Variants in TRIM44 observed in about 807,000 individuals in gnomAD.
The protein encoded by TRIM44 is tripartite motif-containing protein 44.
TRIM44 carries 13 observed loss-of-function variants against 37.4 expected under a neutral mutation model. The observed-to-expected ratio is 0.35, with a 90% CI of 0.23 to 0.55. The LOEUF (loss-of-function observed/expected upper bound fraction) is 0.55, where lower values mean the gene tolerates loss of function less well. TRIM44 is among the 20% of genes least tolerant of loss of function. The pLI is 0.89. For synonymous variants in TRIM44, 175 were observed against 157.2 expected, an observed-to-expected ratio of 1.11 and a Z score of -0.85; for missense variants, 426 against 437.2, an observed-to-expected ratio of 0.97 and a Z score of 0.23.
At chr11:35,775,717 A>G (rs1852947441) in intron 4 of TRIM44, among the ~76,000 whole-genome samples, 1 of 152,148 alleles carries the variant, frequency 6.6e-6, no homozygotes, top group Admixed American at 6.5e-5. Context: ...TTCTGCATCT[A>G]TTGAGATAAT....
intron 4 of TRIM44, among the ~76,000 whole-genome samples, chr11:35,791,373 A>G (rs1481552416): frequency 6.6e-6 from 1 of 152,036 alleles, no homozygotes; most frequent in African/African-American, 2.4e-5. Context: ...CAGCCTGTAT[A>G]TTTTAAGCAT....
intron 3 of TRIM44, among the ~76,000 whole-genome samples, chr11:35,734,169 T>C (rs1209765458): frequency 6.6e-6 from 1 of 152,206 alleles, no homozygotes; most frequent in Admixed American, 6.5e-5. Flanking sequence ...TTATGAGTGA[T>C]TGTTTTTCCT....
At chr11:35,689,552 A>G (rs1305041870) in intron 2 of TRIM44, among the ~76,000 whole-genome samples, 4 of 152,164 alleles carry the variant, frequency 2.6e-5, no homozygotes, top group African/African-American at 7.2e-5. Flanking sequence ...TGAAACACCT[A>G]TTGCACAAGC....
chr11:35,699,138 G>A lies in TRIM44; in HGVS notation c.747+13802G>A, dbSNP rs200048572. 2.1e-4 allele frequency among the ~76,000 whole-genome samples: 27 copies of A among 129,956 alleles called. 2 individuals are homozygous for A. Among genetic ancestry groups the A allele is most frequent in the African/African-American group, 6.5e-4 (23 of 35,134 alleles). The allele number at this position is 129,956 out of a possible 152,430, so 85.3% of individuals were successfully genotyped here. On this transcript the variant is annotated intron_variant, in intron 2 of 4. Coordinates refer to ENST00000299413, the MANE Select transcript of TRIM44 (RefSeq NM_017583.6). ...CTGAGGGTTCTGTTCTGTTCCATTG[G>A]TCTGTATATCTGTTTTGGTACCAGT...
intron 2 of TRIM44, chr11:35,724,492 G>A (rs1419718014): frequency 2.0e-5 from 3 of 151,954 alleles, no homozygotes; most frequent in African/African-American, 4.8e-5. Flanking sequence ...TTTTGTCTAC[G>A]GTTTACTTCT....
At chr11:35,736,163 CAT>C (rs1252460515) in intron 4 of TRIM44, among the ~76,000 whole-genome samples, 1 of 152,154 alleles carries the variant, frequency 6.6e-6, no homozygotes, top group Non-Finnish European at 1.5e-5. Flanking sequence ...CCATCTGTCA[CAT>C]AGAATCAAGG....
chr11:35,790,944 C>T (rs1031108950), intron 4 of TRIM44, among the ~76,000 whole-genome samples: 4 of 152,146 alleles, frequency 2.6e-5, no homozygotes, highest in Admixed American at 1.3e-4. Context: ...CTTTCATAAA[C>T]GTCCACTTCT....
intron 2 of TRIM44, among the ~76,000 whole-genome samples, chr11:35,716,146 A>T (rs991759182): frequency 5.3e-5 from 8 of 152,200 alleles, no homozygotes; most frequent in Non-Finnish European, 1.2e-4. Context: ...AGGCAGAGGG[A>T]GTGAAGAGCA....
At chr11:35,689,940 A>G (rs867001960) in intron 2 of TRIM44, among the ~76,000 whole-genome samples, 1 of 152,172 alleles carries the variant, frequency 6.6e-6, no homozygotes, top group Non-Finnish European at 1.5e-5. Flanking sequence ...TCTGATATGC[A>G]CTGTTCATTG....
intron 4 of TRIM44, among the ~76,000 whole-genome samples, chr11:35,763,745 G>A (rs1327346507): frequency 6.6e-6 from 1 of 152,190 alleles, no homozygotes; most frequent in Non-Finnish European, 1.5e-5. Context: ...ATTGGGTTGT[G>A]TGCCTTTCCT....
Position 35,809,652 on chromosome 11 carries a change from T to A in TRIM44, c.*3267T>A, listed in dbSNP as rs1410754388. On this transcript the variant is annotated 3_prime_UTR_variant, in exon 5 of 5. Coordinates refer to ENST00000299413, the MANE Select transcript of TRIM44 (RefSeq NM_017583.6). ...AAGTGAAGGGTGTTCTGCTCTCTACTCAACTTTATTTGAAAATGTCTGCAG... is the reference window on the plus strand; with the variant it reads ...AAGTGAAGGGTGTTCTGCTCTCTACACAACTTTATTTGAAAATGTCTGCAG... The A allele has an allele frequency of 6.6e-6, 1 of 152,158 alleles. No individual in the cohort carries two copies. The highest frequency in any genetic ancestry group is 6.6e-5 in the Admixed American group (1 of 15,264). 9.4% of individuals were successfully genotyped at this position (152,158 alleles called of 1,614,324 possible).
At chr11:35,733,597 C>T (rs143874773) in intron 3 of TRIM44, among the ~76,000 whole-genome samples, 286 of 152,280 alleles carry the variant, frequency 1.9e-3, no homozygotes, top group Non-Finnish European at 3.3e-3. Flanking sequence ...GGATGATTAA[C>T]GCCCTTCCCA....
At chr11:35,792,610 C>T (rs538994768) in intron 4 of TRIM44, among the ~76,000 whole-genome samples, 57 of 152,314 alleles carry the variant, frequency 3.7e-4, no homozygotes, top group African/African-American at 1.3e-3. Context: ...CCTTCTGGGC[C>T]AAAGCAAGTT....
intron 4 of TRIM44, among the ~76,000 whole-genome samples, chr11:35,789,797 G>A (rs1403439584): frequency 6.6e-6 from 1 of 152,128 alleles, no homozygotes; most frequent in African/African-American, 2.4e-5. Context: ...CCCTGCAATT[G>A]GGCCAATGGT....
At chr11:35,694,445 A>G (rs1373829257) in intron 2 of TRIM44, among the ~76,000 whole-genome samples, 1 of 152,146 alleles carries the variant, frequency 6.6e-6, no homozygotes, top group Non-Finnish European at 1.5e-5. Flanking sequence ...TTGGGCCTTC[A>G]TCTTTTACCT....
intron 4 of TRIM44, among the ~76,000 whole-genome samples, chr11:35,742,018 C>T (rs182945957): frequency 6.7e-4 from 102 of 152,186 alleles, no homozygotes; most frequent in African/African-American, 2.2e-3. Context: ...GCAGCCTCAA[C>T]CTCCCTGGCT....
At chr11:35,748,069 CA>C (rs1392482623) in intron 4 of TRIM44, among the ~76,000 whole-genome samples, 1 of 152,076 alleles carries the variant, frequency 6.6e-6, no homozygotes, top group Non-Finnish European at 1.5e-5. Flanking sequence ...AATCCCTAGC[CA>C]ACCAAGTCTT....
intron 4 of TRIM44, among the ~76,000 whole-genome samples, chr11:35,746,242 T>A (rs1852488856): frequency 6.6e-6 from 1 of 152,140 alleles, no homozygotes; most frequent in Non-Finnish European, 1.5e-5. Flanking sequence ...ACAACTTCAG[T>A]CTATGTTTTA....
chr11:35,698,605 G>T (rs1851739573), intron 2 of TRIM44, among the ~76,000 whole-genome samples: 1 of 43,856 alleles, frequency 2.3e-5, no homozygotes, highest in Non-Finnish European at 3.4e-5. Context: ...AGAAGTGTCT[G>T]TTCATATCCT....
Sources: gnomAD v4.1 joint callset for allele counts (sites outside exome capture counted in the v4.1 genomes callset) on GRCh38, gnomAD v4.1.1 for gene constraint, MANE v1.5 for transcripts, NCBI Gene and HGNC (gene_info 2026-07-23, HGNC 2026-07-21) for gene names.